The following PTPRR variants were observed in gnomAD, a reference collection of about 807,000 sequenced individuals.
The protein encoded by PTPRR is receptor-type tyrosine-protein phosphatase R.
A neutral mutation model predicts 77.2 loss-of-function variants in PTPRR; 38 were observed. The observed-to-expected ratio is 0.49, with a 90% CI of 0.38 to 0.65. The LOEUF (loss-of-function observed/expected upper bound fraction) is 0.65. Among genes scored for constraint, PTPRR ranks in the 30% least tolerant of loss-of-function variants. PTPRR has a pLI of 0.00. For synonymous variants in PTPRR, 299 were observed against 283.1 expected, an observed-to-expected ratio of 1.06 and a Z score of -0.57; for missense variants, 744 against 799.2, an observed-to-expected ratio of 0.93 and a Z score of 0.83.
At chr12:70,683,444 C>G (rs1460819916) in intron 10 of PTPRR, among the ~76,000 whole-genome samples, 2 of 152,074 alleles carry the variant, frequency 1.3e-5, no homozygotes, top group Admixed American at 1.3e-4. Flanking sequence ...TTCTGTCTTT[C>G]TTGGATTTCT....
At chr12:70,779,799 A>T (rs1891165185) in intron 2 of PTPRR, among the ~76,000 whole-genome samples, 1 of 152,192 alleles carries the variant, frequency 6.6e-6, no homozygotes, top group African/African-American at 2.4e-5. Flanking sequence ...GGAAAGGGTA[A>T]CAAACCCAGG....
At chr12:70,891,862 T>C (rs1213624769) in intron 2 of PTPRR, among the ~76,000 whole-genome samples, 1 of 152,094 alleles carries the variant, frequency 6.6e-6, no homozygotes, top group African/African-American at 2.4e-5. Flanking sequence ...TGAATTATCT[T>C]GGCCACACAA....
At chr12:70,872,775 A>G (rs1461619245) in intron 2 of PTPRR, among the ~76,000 whole-genome samples, 1 of 151,646 alleles carries the variant, frequency 6.6e-6, no homozygotes, top group Non-Finnish European at 1.5e-5. Flanking sequence ...ATGTGTGACA[A>G]TGACAATCTT....
chr12:70,875,668 A>G (rs1893039529), intron 2 of PTPRR, among the ~76,000 whole-genome samples: 1 of 152,174 alleles, frequency 6.6e-6, no homozygotes, highest in African/African-American at 2.4e-5. Context: ...CAGGGTCACA[A>G]AAGGTAGTTT....
chr12:70,830,099 G>C (rs1892185715), intron 2 of PTPRR, among the ~76,000 whole-genome samples: 2 of 152,084 alleles, frequency 1.3e-5, no homozygotes. Flanking sequence ...GATCCACCAA[G>C]GACATAAAAC....
intron 2 of PTPRR, among the ~76,000 whole-genome samples, chr12:70,891,121 T>C (rs368228777): frequency 6.6e-6 from 1 of 152,200 alleles, no homozygotes; most frequent in Non-Finnish European, 1.5e-5. Context: ...ATTGCCTCTA[T>C]GTAATCATCA....
chr12:70,776,307 T>G (rs1185411073), intron 2 of PTPRR, among the ~76,000 whole-genome samples: 2 of 152,214 alleles, frequency 1.3e-5, no homozygotes, highest in Admixed American at 1.3e-4. Context: ...CATATTTTCT[T>G]TATCTATATT....
At chr12:70,803,194 T>G (rs1565702259) in intron 2 of PTPRR, among the ~76,000 whole-genome samples, 1 of 152,182 alleles carries the variant, frequency 6.6e-6, no homozygotes, top group Admixed American at 6.5e-5. Context: ...GTGCCCCTAA[T>G]CTCTGAAGCG....
At chr12:70,659,022 C>T (rs950232649) in intron 12 of PTPRR, among the ~76,000 whole-genome samples, 2 of 151,496 alleles carry the variant, frequency 1.3e-5, no homozygotes, top group East Asian at 1.9e-4. Context: ...CCTGCCTCCG[C>T]CTCCCAAGTA....
chr12:70,763,736 G>A (rs1275438417), intron 3 of PTPRR, among the ~76,000 whole-genome samples: 2 of 152,156 alleles, frequency 1.3e-5, no homozygotes, highest in Non-Finnish European at 2.9e-5. Context: ...CATTGCAGTG[G>A]ACATTAAGAG....
chr12:70,672,741 C>A, intron 10 of PTPRR: 4 of 1,550,372 alleles, frequency 2.6e-6, no homozygotes, highest in Non-Finnish European at 3.5e-6. Context: ...GGGATGTCAT[C>A]CTGACTGGGA....
chr12:70,830,559 A>T (rs1179851468), intron 2 of PTPRR, among the ~76,000 whole-genome samples: 1 of 152,196 alleles, frequency 6.6e-6, no homozygotes, highest in Non-Finnish European at 1.5e-5. Flanking sequence ...AGGAAAGGGC[A>T]ATTAATATGC....
At chr12:70,710,242 A>C (rs552983149) in intron 6 of PTPRR, among the ~76,000 whole-genome samples, 1 of 152,280 alleles carries the variant, frequency 6.6e-6, no homozygotes, top group East Asian at 1.9e-4. Flanking sequence ...GCCAGAAATA[A>C]GGCTGCACGT....
intron 10 of PTPRR, chr12:70,672,178 G>T: frequency 6.5e-7 from 1 of 1,541,486 alleles, no homozygotes; most frequent in Non-Finnish European, 8.9e-7. Context: ...TGGGTGCCCA[G>T]TTGCCAGTCC....
intron 2 of PTPRR, among the ~76,000 whole-genome samples, chr12:70,771,047 T>C (rs1890961910): frequency 6.6e-6 from 1 of 150,994 alleles, no homozygotes; most frequent in Non-Finnish European, 1.5e-5. Context: ...GAGATATACC[T>C]AATGCTAAAT....
intron 6 of PTPRR, among the ~76,000 whole-genome samples, chr12:70,711,652 C>A (rs577702788): frequency 1.3e-5 from 2 of 151,968 alleles, no homozygotes; most frequent in East Asian, 3.9e-4. Context: ...AATTCCAAAT[C>A]CTTAAATTTG....
chr12:70,895,387 A>C (rs1893409945), intron 1 of PTPRR, among the ~76,000 whole-genome samples: 2 of 151,612 alleles, frequency 1.3e-5, no homozygotes, highest in Admixed American at 1.3e-4. Context: ...AGTCCAGTTA[A>C]TAAATGCATG....
chr12:70,656,037 C>A (rs577326051), intron 13 of PTPRR, among the ~76,000 whole-genome samples: 2 of 151,604 alleles, frequency 1.3e-5, no homozygotes, highest in Admixed American at 6.6e-5. Context: ...CATAGTAAGA[C>A]CCTGTCTCTA....
Position 70,767,348 on chromosome 12 carries a change from T to C in PTPRR, c.358-2570A>G, listed in dbSNP as rs373119250. Among the ~76,000 whole-genome samples the C allele has an allele frequency of 4.3e-5, 6 of 140,410 alleles. 1 individual carries two copies. Among genetic ancestry groups the C allele is most frequent in the Non-Finnish European group, 8.1e-5 (5 of 61,720 alleles). The allele number at this position is 140,410 out of a possible 152,430, so 92.1% of individuals were successfully genotyped here. A position where few individuals can be genotyped will look rare whatever the true frequency, so the allele number is the denominator to read the frequency against. On this transcript the variant is annotated intron_variant, in intron 2 of 13. Coordinates refer to ENST00000283228, the MANE Select transcript of PTPRR (RefSeq NM_002849.4). ...TACCAAGAAAATGGAAAACAAAAAA[T>C]TACAGGGGTTGCAATCCTAGTCTCT...
Sources: gnomAD v4.1 joint callset for allele counts (sites outside exome capture counted in the v4.1 genomes callset) on GRCh38, gnomAD v4.1.1 for gene constraint, MANE v1.5 for transcripts, NCBI Gene and HGNC (gene_info 2026-07-23, HGNC 2026-07-21) for gene names.